DCLK1: variants seen among roughly 807,000 people sequenced by gnomAD.
DCLK1 encodes serine/threonine-protein kinase DCLK1.
DCLK1 carries 16 observed loss-of-function variants against 86.2 expected under a neutral mutation model. The ratio of observed to expected loss-of-function variants is 0.19; its 90% CI spans 0.13 to 0.28. DCLK1 has a LOEUF of 0.28. DCLK1 is among the 10% of genes least tolerant of loss of function. The probability of loss-of-function intolerance (pLI) is 1.00; values close to 1 mark genes in which losing one functional copy is unlikely to be tolerated. For synonymous variants in DCLK1, 369 were observed against 370.5 expected, an observed-to-expected ratio of 1.00 and a Z score of 0.05; for missense variants, 590 against 940.2, an observed-to-expected ratio of 0.63 and a Z score of 4.87.
rs112924235 is a variant in DCLK1 at position 36,081,843 on chromosome 13, G to A, written c.723+30026C>T. 3.3e-5 allele frequency among the ~76,000 whole-genome samples: 5 copies of A among 152,304 alleles called. 1 individual carries two copies. The highest frequency in any genetic ancestry group is 1.2e-4 in the African/African-American group (5 of 41,566). On this transcript the variant is annotated intron_variant, in intron 3 of 16. Coordinates refer to ENST00000360631, the MANE Select transcript of DCLK1 (RefSeq NM_001330071.2). ...TTTACACAGCCATTCTTTAGAGAAA[G>A]TTTTGTTTTCCTTTAACATTTCAAT...
At chr13:35,845,485 C>T (rs1049807265) in intron 6 of DCLK1, among the ~76,000 whole-genome samples, 2 of 152,146 alleles carry the variant, frequency 1.3e-5, no homozygotes, top group African/African-American at 4.8e-5. Context: ...TACACATGCA[C>T]ATTTTTTCCC....
At chr13:36,045,378 T>TATATC (rs1882872621) in intron 3 of DCLK1, among the ~76,000 whole-genome samples, 1 of 68,458 alleles carries the variant, frequency 1.5e-5, no homozygotes, top group African/African-American at 4.3e-5. Context: ...ATATATATAT[T>TATATC]TCAAGGTAAA....
intron 6 of DCLK1, among the ~76,000 whole-genome samples, chr13:35,852,656 A>T (rs1257493883): frequency 6.6e-6 from 1 of 152,194 alleles, no homozygotes; most frequent in East Asian, 1.9e-4. Flanking sequence ...ATAGCCACAG[A>T]GCTGAATGGA....
intron 4 of DCLK1, among the ~76,000 whole-genome samples, chr13:35,874,221 T>C (rs911610148): frequency 7.2e-5 from 11 of 152,110 alleles, no homozygotes; most frequent in African/African-American, 2.7e-4. Flanking sequence ...CTCTCTCTTA[T>C]ATATTCTGAA....
chr13:35,933,917 T>A (rs1242938362), intron 4 of DCLK1, among the ~76,000 whole-genome samples: 1 of 152,220 alleles, frequency 6.6e-6, no homozygotes, highest in African/African-American at 2.4e-5. Context: ...TATCACATTG[T>A]CAAGCTGCAA....
rs75264020 is a variant in DCLK1 at position 35,924,870 on chromosome 13, A to T, written c.823+22488T>A. Among the ~76,000 whole-genome samples, 861 of 152,316 alleles carry T rather than the reference A, an allele frequency of 5.7e-3. 12 individuals are homozygous for T. The highest frequency in any genetic ancestry group is 0.02 in the African/African-American group (817 of 41,562). ...CCTGTTCTTATGAATAATGCTTTAT[A>T]AGAATACAGCTACCTGTACATGTTT... On this transcript the variant is annotated intron_variant, in intron 4 of 16. Coordinates refer to ENST00000360631, the MANE Select transcript of DCLK1 (RefSeq NM_001330071.2).
chr13:35,867,137 C>A (rs928066274), intron 5 of DCLK1, among the ~76,000 whole-genome samples: 9 of 152,142 alleles, frequency 5.9e-5, no homozygotes. Flanking sequence ...TTGGTACCAT[C>A]CAAAGGAAAG....
intron 3 of DCLK1, among the ~76,000 whole-genome samples, chr13:36,057,201 T>G (rs1883369549): frequency 6.6e-6 from 1 of 152,160 alleles, no homozygotes; most frequent in Non-Finnish European, 1.5e-5. Flanking sequence ...CAGTGATATG[T>G]TCTCCAGATG....
intron 3 of DCLK1, among the ~76,000 whole-genome samples, chr13:35,963,148 C>CG (rs1260150381): frequency 5.9e-5 from 9 of 152,204 alleles, no homozygotes; most frequent in African/African-American, 1.9e-4. Context: ...CCTAGCATCT[C>CG]TGAGTGCCGG....
chr13:36,021,285 T>G (rs1030690947), intron 3 of DCLK1, among the ~76,000 whole-genome samples: 7 of 150,928 alleles, frequency 4.6e-5, no homozygotes, highest in Non-Finnish European at 8.9e-5. Context: ...TTTAAAATTA[T>G]GTACTAGAAA....
chr13:36,085,080 G>A (rs1201054407), intron 3 of DCLK1, among the ~76,000 whole-genome samples: 1 of 152,008 alleles, frequency 6.6e-6, no homozygotes, highest in Admixed American at 6.6e-5. Flanking sequence ...TATGCCCAAG[G>A]AAACTCAAAG....
intron 3 of DCLK1, among the ~76,000 whole-genome samples, chr13:36,070,115 T>C (rs1164364875): frequency 6.6e-6 from 1 of 152,204 alleles, no homozygotes; most frequent in East Asian, 1.9e-4. Flanking sequence ...CATTCACATT[T>C]GTTGCATAAT....
chr13:36,070,446 T>G (rs1883929340), intron 3 of DCLK1, among the ~76,000 whole-genome samples: 1 of 152,112 alleles, frequency 6.6e-6, no homozygotes, highest in Non-Finnish European at 1.5e-5. Context: ...GTCACCCCAG[T>G]TTTTGGTCAG....
chr13:35,998,295 A>T (rs896481158), intron 3 of DCLK1, among the ~76,000 whole-genome samples: 1 of 152,204 alleles, frequency 6.6e-6, no homozygotes, highest in African/African-American at 2.4e-5. Context: ...TTATTAAAAT[A>T]AAAATGCCCT....
intron 1 of DCLK1, among the ~76,000 whole-genome samples, chr13:36,129,262 G>A (rs779189086): frequency 1.3e-5 from 2 of 152,176 alleles, no homozygotes; most frequent in Non-Finnish European, 2.9e-5. Context: ...CTGGGGGAAC[G>A]GGCTTTTAGG....
chr13:36,058,957 G>T (rs978483781), intron 3 of DCLK1, among the ~76,000 whole-genome samples: 2 of 152,160 alleles, frequency 1.3e-5, no homozygotes, highest in Non-Finnish European at 2.9e-5. Context: ...ATTGACATTC[G>T]TGGCCAAAGA....
chr13:36,056,924 T>C (rs984491477), intron 3 of DCLK1, among the ~76,000 whole-genome samples: 1 of 146,532 alleles, frequency 6.8e-6, no homozygotes, highest in Non-Finnish European at 1.5e-5. Flanking sequence ...TATATATATA[T>C]ATACACACAC....
At chr13:36,069,497 G>A (rs1329447065) in intron 3 of DCLK1, among the ~76,000 whole-genome samples, 2 of 152,170 alleles carry the variant, frequency 1.3e-5, no homozygotes, top group Admixed American at 1.3e-4. Flanking sequence ...AAGCAACAAT[G>A]CTTGCTCATA....
At chr13:35,925,676 T>C (rs1876073025) in intron 4 of DCLK1, among the ~76,000 whole-genome samples, 1 of 152,244 alleles carries the variant, frequency 6.6e-6, no homozygotes, top group Admixed American at 6.5e-5. Context: ...TTAATTTTAT[T>C]ATCTTTGAGT....
Sources: allele counts gnomAD v4.1 joint callset (sites outside exome capture counted in the v4.1 genomes callset), GRCh38; gene constraint gnomAD v4.1.1; transcripts MANE v1.5; gene names NCBI Gene and HGNC (gene_info 2026-07-23, HGNC 2026-07-21).